The following RGPD2 variants were observed in gnomAD, a reference collection of about 807,000 sequenced individuals.
RGPD2 encodes RANBP2 like and GRIP domain containing 2.
Under a neutral mutation model 36.0 loss-of-function variants are expected in RGPD2, and 2 were observed. The observed-to-expected ratio is 0.06, with a 90% CI of 0.02 to 0.17. The LOEUF (loss-of-function observed/expected upper bound fraction) is 0.17. Among genes scored for constraint, RGPD2 ranks in the 10% least tolerant of loss-of-function variants. The pLI is 1.00. For missense variants in RGPD2, 40 were observed against 464.3 expected (o/e 0.09, Z 8.40); for synonymous variants, 19 against 163.8 (o/e 0.12, Z 6.75).
the RGPD2 span, among the ~76,000 whole-genome samples, chr2:87,878,329 T>C: frequency 7.2e-6 from 1 of 138,164 alleles, no homozygotes; most frequent in African/African-American, 2.8e-5. Flanking sequence ...CTCCTGATAC[T>C]TGTGATTGCA....
At chr2:87,952,737 C>T in the RGPD2 span, among the ~76,000 whole-genome samples, 1 of 152,276 alleles carries the variant, frequency 6.6e-6, no homozygotes, top group South Asian at 2.1e-4. Context: ...CTAATTTACA[C>T]CGAAATTTCA....
chr2:87,973,306 G>A, the RGPD2 span, among the ~76,000 whole-genome samples: 25 of 137,618 alleles, frequency 1.8e-4, 1 homozygote, highest in African/African-American at 5.4e-4. Context: ...TGGCGACTCC[G>A]GTATTAAGCT....
the RGPD2 span, among the ~76,000 whole-genome samples, chr2:87,876,123 C>T: frequency 1.3e-5 from 2 of 150,950 alleles, no homozygotes; most frequent in Admixed American, 6.6e-5. Context: ...ATCTAGCTAG[C>T]AGTCTATTTT....
the RGPD2 span, among the ~76,000 whole-genome samples, chr2:87,863,865 G>A: frequency 6.6e-6 from 1 of 152,118 alleles, no homozygotes; most frequent in Admixed American, 6.5e-5. Context: ...GGGATGTCAG[G>A]AGAGGAGTAA....
chr2:87,916,952 C>A, the RGPD2 span, among the ~76,000 whole-genome samples: 1 of 151,914 alleles, frequency 6.6e-6, no homozygotes, highest in African/African-American at 2.4e-5. Context: ...AGGAAGATAG[C>A]CTGTGACAAT....
the RGPD2 span, among the ~76,000 whole-genome samples, chr2:87,853,060 G>GT: frequency 6.6e-6 from 1 of 152,194 alleles, no homozygotes; most frequent in African/African-American, 2.4e-5. Context: ...GACCTGCTCG[G>GT]TAAGTGGTGA....
the RGPD2 span, among the ~76,000 whole-genome samples, chr2:87,832,022 T>A: frequency 0.022 from 3,073 of 139,372 alleles, no homozygotes; most frequent in Middle Eastern, 0.037. Context: ...ACAAAAGGCA[T>A]GGAAATGGTG....
chr2:87,840,771 AT>A, the RGPD2 span, among the ~76,000 whole-genome samples: 1 of 147,564 alleles, frequency 6.8e-6, no homozygotes, highest in African/African-American at 2.5e-5. Context: ...GTCAATATAA[AT>A]CAAATTGTAC....
At chr2:87,882,250 G>A in the RGPD2 span, among the ~76,000 whole-genome samples, 2 of 97,056 alleles carry the variant, frequency 2.1e-5, no homozygotes, top group Non-Finnish European at 5.3e-5. Flanking sequence ...TCTTTAAGTT[G>A]TTGTTCTATT....
the RGPD2 span, among the ~76,000 whole-genome samples, chr2:87,961,306 A>G: frequency 6.6e-6 from 1 of 152,158 alleles, no homozygotes; most frequent in Non-Finnish European, 1.5e-5. Flanking sequence ...GCGGAGGACC[A>G]CTGTGACGCA....
At chr2:87,983,797 G>T in the RGPD2 span, among the ~76,000 whole-genome samples, 1 of 150,788 alleles carries the variant, frequency 6.6e-6, no homozygotes, top group African/African-American at 2.4e-5. Flanking sequence ...AGAGGTAATG[G>T]CAAGTGCAAA....
At chr2:87,807,357 A>G (rs1186550771) in intron 6 of RGPD2, among the ~76,000 whole-genome samples, 6 of 142,184 alleles carry the variant, frequency 4.2e-5, no homozygotes, top group Non-Finnish European at 9.0e-5. Context: ...TTTTTACTAT[A>G]TAGATCATTA....
the RGPD2 span, among the ~76,000 whole-genome samples, chr2:87,861,792 G>C: frequency 7.6e-6 from 1 of 131,196 alleles, no homozygotes; most frequent in African/African-American, 2.9e-5. Context: ...GAAGACATTT[G>C]AAAGCATATC....
the RGPD2 span, among the ~76,000 whole-genome samples, chr2:87,983,589 G>A: frequency 7.9e-6 from 1 of 126,652 alleles, no homozygotes; most frequent in African/African-American, 2.9e-5. Context: ...CCAGTTGGGG[G>A]AGGAGGGACA....
At chr2:87,976,818 T>TTGGA in the RGPD2 span, among the ~76,000 whole-genome samples, 3 of 148,700 alleles carry the variant, frequency 2.0e-5, no homozygotes, top group African/African-American at 7.7e-5. Flanking sequence ...TTCTGACTAG[T>TTGGA]TGGAGTTTTG....
At chr2:87,940,567 A>C in the RGPD2 span, among the ~76,000 whole-genome samples, 1 of 137,158 alleles carries the variant, frequency 7.3e-6, no homozygotes, top group African/African-American at 2.5e-5. Context: ...CATGGCACTT[A>C]AGGGGTTTGG....
chr2:87,784,746 T>TTA lies in RGPD2; in HGVS notation c.2676+327_2676+328dup, dbSNP rs1326131958. On this transcript the variant is annotated intron_variant, in intron 19 of 22. Coordinates refer to ENST00000398146, the MANE Select transcript of RGPD2 (RefSeq NM_001078170.3). The stretch of plus-strand genomic sequence containing the variant: ...GTAATATTGAGTCTTCAATCAATTG[T>TTA]TATATATATAGCTGTATCAGGCCTG... Among the ~76,000 whole-genome samples the TTA allele has an allele frequency of 5.2e-5, 5 of 95,856 alleles. No individual in the cohort carries two copies. In the East Asian group the frequency reaches 1.3e-3, roughly 25 times the overall value. 62.9% of individuals were successfully genotyped at this position (95,856 alleles called of 152,430 possible).
rs1177283989 is a variant in RGPD2 at position 87,756,095 on chromosome 2, C to T, written c.*1297G>A. 1 of 24,896 alleles carries T rather than the reference C, an allele frequency of 4.0e-5. No individual in the cohort carries two copies. The highest frequency in any genetic ancestry group is 7.2e-3 in the Middle Eastern group (1 of 138). The allele number at this position is 24,896 out of a possible 1,614,324, so 1.5% of individuals were successfully genotyped here. ...AGTTGGAAAATGCAAAGAAACGACT[C>T]GTTGTAAGCACATAACTCACGTGGG... On this transcript the variant is annotated 3_prime_UTR_variant, in exon 23 of 23. Transcript: ENST00000398146.
At chr2:87,849,359 TATC>T in the RGPD2 span, among the ~76,000 whole-genome samples, 508 of 152,078 alleles carry the variant, frequency 3.3e-3, 2 homozygotes, top group African/African-American at 0.012. Context: ...TTCTTATACT[TATC>T]AGAATAATTT....
Sources: allele counts gnomAD v4.1 joint callset (sites outside exome capture counted in the v4.1 genomes callset), GRCh38; gene constraint gnomAD v4.1.1; transcripts MANE v1.5; gene names NCBI Gene and HGNC (gene_info 2026-07-23, HGNC 2026-07-21).